Variants in EXOC4 observed in about 807,000 individuals in gnomAD.
EXOC4 encodes SEC8-like 1.
In EXOC4, 71 loss-of-function variants were observed where a neutral mutation model predicts 107.2. The observed-to-expected ratio is 0.66, with a 90% CI of 0.55 to 0.81. The LOEUF is 0.81. EXOC4 is among the 30% of genes least tolerant of loss of function. The pLI is 0.00. For synonymous variants in EXOC4, 456 were observed against 441.2 expected, an observed-to-expected ratio of 1.03 and a Z score of -0.42; for missense variants, 1,108 against 1,189.6, an observed-to-expected ratio of 0.93 and a Z score of 1.01.
intron 12 of EXOC4, among the ~76,000 whole-genome samples, chr7:133,901,013 G>A (rs1799440266): frequency 6.6e-6 from 1 of 152,018 alleles, no homozygotes; most frequent in South Asian, 2.1e-4. Context: ...GGGATTACAG[G>A]TGCCCACCAA....
chr7:134,051,348 CAGAG>C (rs1455353628), intron 17 of EXOC4, among the ~76,000 whole-genome samples: 4 of 152,166 alleles, frequency 2.6e-5, no homozygotes, highest in African/African-American at 7.2e-5. Context: ...AGAAGAAACT[CAGAG>C]GGAGCTGGGA....
intron 11 of EXOC4, among the ~76,000 whole-genome samples, chr7:133,823,867 ATATAT>A (rs1563014777): frequency 1.5e-3 from 19 of 12,360 alleles, no homozygotes; most frequent in Non-Finnish European, 2.0e-3. Context: ...ATATATATAT[ATATAT>A]TATATATATA....
chr7:133,402,813 G>A (rs1000586365), intron 7 of EXOC4, among the ~76,000 whole-genome samples: 1 of 148,404 alleles, frequency 6.7e-6, no homozygotes, highest in African/African-American at 2.5e-5. Context: ...GGAGAATTTG[G>A]ATTTCTAAAA....
At chr7:134,050,913 C>T (rs1795769521) in intron 17 of EXOC4, among the ~76,000 whole-genome samples, 1 of 151,796 alleles carries the variant, frequency 6.6e-6, no homozygotes, top group Non-Finnish European at 1.5e-5. Context: ...AGTGAGGTGG[C>T]CAGTTAAGAG....
intron 17 of EXOC4, among the ~76,000 whole-genome samples, chr7:134,010,870 G>A (rs74779150): frequency 3.9e-5 from 6 of 152,260 alleles, no homozygotes; most frequent in East Asian, 3.9e-4. Context: ...TTCCATTGAT[G>A]TTGATTCTTC....
rs117879058 is a variant in EXOC4, at chr7:133,862,742, A to C, written c.1735-32857A>C. The stretch of plus-strand genomic sequence containing the variant: ...TATATACATATACATGCATACATAC[A>C]TATTTCTTTTTAAAAACTGAGGTAG... On this transcript the variant is annotated intron_variant, in intron 11 of 17. Transcript: ENST00000253861. Among the ~76,000 whole-genome samples the C allele has an allele frequency of 9.9e-3, 1,503 of 152,252 alleles. 20 individuals are homozygous for C. The highest frequency in any genetic ancestry group is 0.012 in the Non-Finnish European group (820 of 68,018).
intron 9 of EXOC4, among the ~76,000 whole-genome samples, chr7:133,556,637 G>A (rs1267965433): frequency 6.8e-6 from 1 of 146,458 alleles, no homozygotes; most frequent in African/African-American, 2.5e-5. Flanking sequence ...CTGCTTAGTT[G>A]CTAGAGACCT....
At chr7:133,383,302 A>G (rs1487343623) in intron 7 of EXOC4, among the ~76,000 whole-genome samples, 5 of 152,166 alleles carry the variant, frequency 3.3e-5, no homozygotes, top group Non-Finnish European at 2.9e-5. Context: ...TCAAAACACA[A>G]CTGTCGATTT....
At chr7:133,607,338 A>G (rs1337795826) in intron 9 of EXOC4, among the ~76,000 whole-genome samples, 1 of 152,252 alleles carries the variant, frequency 6.6e-6, no homozygotes, top group Non-Finnish European at 1.5e-5. Context: ...AAGTAAAGGC[A>G]CATTGCAGTT....
At chr7:133,570,732 A>G (rs1200625491) in intron 9 of EXOC4, among the ~76,000 whole-genome samples, 2 of 152,122 alleles carry the variant, frequency 1.3e-5, no homozygotes, top group African/African-American at 4.8e-5. Flanking sequence ...TTTTTGATGT[A>G]TGGTTTTTCG....
chr7:133,286,571 A>T (rs557611528), intron 2 of EXOC4, among the ~76,000 whole-genome samples: 1 of 152,208 alleles, frequency 6.6e-6, no homozygotes, highest in East Asian at 1.9e-4. Flanking sequence ...AGAACATGTT[A>T]TGGAGCTTGT....
At chr7:133,786,332 C>A (rs1007758831) in intron 10 of EXOC4, among the ~76,000 whole-genome samples, 4 of 152,142 alleles carry the variant, frequency 2.6e-5, no homozygotes, top group Admixed American at 6.5e-5. Flanking sequence ...CAGGGGTCTG[C>A]TGATACTGTG....
chr7:133,527,467 T>A (rs965266124), intron 9 of EXOC4, among the ~76,000 whole-genome samples: 31 of 152,154 alleles, frequency 2.0e-4, no homozygotes, highest in African/African-American at 6.8e-4. Flanking sequence ...ATGGGCCCTC[T>A]ATGTTGGTTA....
At chr7:133,341,480 G>C (rs1045681080) in intron 5 of EXOC4, among the ~76,000 whole-genome samples, 91 of 152,250 alleles carry the variant, frequency 6.0e-4, no homozygotes, top group African/African-American at 1.9e-3. Flanking sequence ...AATTTTCCAC[G>C]TACCAGTGAA....
chr7:133,555,599 A>G (rs752852992), intron 9 of EXOC4, among the ~76,000 whole-genome samples: 72 of 152,212 alleles, frequency 4.7e-4, no homozygotes, highest in Non-Finnish European at 1.6e-4. Context: ...CATCTACAAA[A>G]TAATGGCAGT....
rs538331589 is a variant in EXOC4 at position 133,926,907 on chromosome 7, A to G, written c.2027+9169A>G. Reference sequence around the variant, plus strand: ...GGAAGTCAACATGATTAACAGCAAAATATTCATTTCCAGCAAGCAAGATGG... The same window carrying G: ...GGAAGTCAACATGATTAACAGCAAAGTATTCATTTCCAGCAAGCAAGATGG... On this transcript the variant is annotated intron_variant, in intron 13 of 17. Coordinates refer to ENST00000253861, the MANE Select transcript of EXOC4 (RefSeq NM_021807.4). Among the ~76,000 whole-genome samples the G allele has an allele frequency of 1.1e-4, 17 of 152,180 alleles. 1 individual carries two copies. The highest frequency in any genetic ancestry group is 1.1e-3 in the Admixed American group (17 of 15,280).
intron 7 of EXOC4, among the ~76,000 whole-genome samples, chr7:133,413,426 A>G (rs1281142483): frequency 2.0e-5 from 3 of 152,158 alleles, no homozygotes; most frequent in Non-Finnish European, 2.9e-5. Flanking sequence ...AACTGTTGCT[A>G]TAGATGGTCT....
At chr7:133,575,423 AC>A (rs1369476984) in intron 9 of EXOC4, among the ~76,000 whole-genome samples, 3 of 152,180 alleles carry the variant, frequency 2.0e-5, no homozygotes, top group Non-Finnish European at 4.4e-5. Flanking sequence ...ATAGTCCCCC[AC>A]CCAGTTAAAA....
intron 17 of EXOC4, among the ~76,000 whole-genome samples, chr7:134,009,137 A>G (rs1794711380): frequency 1.3e-5 from 2 of 152,174 alleles, no homozygotes; most frequent in Admixed American, 6.5e-5. Context: ...ACCTGAGTGG[A>G]TTATTCCGTA....
Sources: gnomAD v4.1 joint callset for allele counts (sites outside exome capture counted in the v4.1 genomes callset) on GRCh38, gnomAD v4.1.1 for gene constraint, MANE v1.5 for transcripts, NCBI Gene and HGNC (gene_info 2026-07-23, HGNC 2026-07-21) for gene names.